The following PTPRD variants were observed in gnomAD, a reference collection of about 807,000 sequenced individuals.
PTPRD encodes the protein receptor-type tyrosine-protein phosphatase delta.
Under a neutral mutation model 214.5 loss-of-function variants are expected in PTPRD, and 34 were observed. That is an observed-to-expected ratio of 0.16 (90% CI 0.12 to 0.21). PTPRD has a LOEUF of 0.21. PTPRD is among the 10% of genes least tolerant of loss of function. PTPRD has a pLI of 1.00. For missense variants in PTPRD, 2,545 were observed against 2,398.7 expected, an observed-to-expected ratio of 1.06 and a Z score of -1.27; for synonymous variants, 1,128 against 845.7, an observed-to-expected ratio of 1.33 and a Z score of -5.79.
intron 5 of PTPRD, among the ~76,000 whole-genome samples, chr9:9,802,844 T>A (rs2099050156): frequency 6.6e-6 from 1 of 151,866 alleles, no homozygotes; most frequent in Non-Finnish European, 1.5e-5. Context: ...TTACAATTGT[T>A]TATTCATTCT....
intron 11 of PTPRD, among the ~76,000 whole-genome samples, chr9:8,827,372 C>A (rs914136451): frequency 6.6e-6 from 1 of 152,112 alleles, no homozygotes; most frequent in Non-Finnish European, 1.5e-5. Flanking sequence ...TTTGGGAGGC[C>A]AAGGTGGGTG....
At chr9:10,585,779 A>ATT (rs1227974368) in intron 2 of PTPRD, among the ~76,000 whole-genome samples, 1 of 151,880 alleles carries the variant, frequency 6.6e-6, no homozygotes, top group African/African-American at 2.4e-5. Context: ...GCCCTTATTA[A>ATT]ATACTGGAGA....
chr9:8,774,609 A>G (rs1565955735), intron 11 of PTPRD, among the ~76,000 whole-genome samples: 2 of 131,694 alleles, frequency 1.5e-5, no homozygotes, highest in Non-Finnish European at 3.1e-5. Context: ...ATCTCGGCCC[A>G]CTGCAACCTC....
chr9:9,947,292 T>A (rs1204710697), intron 4 of PTPRD, among the ~76,000 whole-genome samples: 1 of 105,826 alleles, frequency 9.4e-6, no homozygotes, highest in Non-Finnish European at 1.8e-5. Context: ...GCTCTGGAGA[T>A]TATATATATA....
At chr9:9,281,496 C>A (rs1013999190) in intron 9 of PTPRD, among the ~76,000 whole-genome samples, 2 of 151,266 alleles carry the variant, frequency 1.3e-5, no homozygotes, top group Non-Finnish European at 3.0e-5. Context: ...TATGAAAAAT[C>A]TTTTAACATC....
At chr9:8,482,106 A>G (rs931535602) in intron 30 of PTPRD, among the ~76,000 whole-genome samples, 2 of 152,138 alleles carry the variant, frequency 1.3e-5, no homozygotes, top group African/African-American at 4.8e-5. Flanking sequence ...AACTTCTCTA[A>G]GCCCACACTT....
At chr9:10,448,134 G>A (rs1047469302) in intron 2 of PTPRD, among the ~76,000 whole-genome samples, 13 of 152,006 alleles carry the variant, frequency 8.6e-5, no homozygotes, top group African/African-American at 3.1e-4. Context: ...ACAAATTCAA[G>A]TCTTTTCGAG....
chr9:8,843,525 A>G (rs767135955), intron 11 of PTPRD, among the ~76,000 whole-genome samples: 2 of 152,206 alleles, frequency 1.3e-5, no homozygotes, highest in Non-Finnish European at 2.9e-5. Context: ...TGCTGGTTCT[A>G]TATCATGGCC....
chr9:10,437,348 T>C (rs945686407), intron 2 of PTPRD, among the ~76,000 whole-genome samples: 1 of 151,884 alleles, frequency 6.6e-6, no homozygotes, highest in South Asian at 2.1e-4. Flanking sequence ...TGCAAATTGA[T>C]AGCTTTTTCC....
intron 36 of PTPRD, among the ~76,000 whole-genome samples, chr9:8,394,738 T>G (rs1016429642): frequency 6.6e-6 from 1 of 152,176 alleles, no homozygotes; most frequent in African/African-American, 2.4e-5. Flanking sequence ...TCTCTCAGAT[T>G]AGGTAGGAAC....
intron 10 of PTPRD, among the ~76,000 whole-genome samples, chr9:9,182,621 A>T (rs189624958): frequency 1.2e-3 from 182 of 152,130 alleles, no homozygotes; most frequent in African/African-American, 4.2e-3. Context: ...GCAATGGGTG[A>T]GGAAAAAATG....
intron 9 of PTPRD, among the ~76,000 whole-genome samples, chr9:9,203,560 T>C (rs1228729385): frequency 1.3e-5 from 2 of 152,164 alleles, no homozygotes; most frequent in African/African-American, 4.8e-5. Flanking sequence ...TCAGTCCCAC[T>C]GTTACAGTTC....
intron 10 of PTPRD, among the ~76,000 whole-genome samples, chr9:9,141,481 A>G (rs1190253438): frequency 6.6e-6 from 1 of 152,004 alleles, no homozygotes; most frequent in Non-Finnish European, 1.5e-5. Flanking sequence ...ACTGGAAGTA[A>G]TAAGCCACAA....
At chr9:9,372,240 G>T (rs2059716471) in intron 9 of PTPRD, among the ~76,000 whole-genome samples, 1 of 152,056 alleles carries the variant, frequency 6.6e-6, no homozygotes. Flanking sequence ...ATTATTGTGT[G>T]GGAGTCTAAG....
At chr9:9,421,056 G>C (rs997335000) in intron 8 of PTPRD, among the ~76,000 whole-genome samples, 25 of 151,702 alleles carry the variant, frequency 1.6e-4, no homozygotes, top group African/African-American at 6.0e-4. Context: ...CCATCTATCA[G>C]AAAACTGACA....
At chr9:8,940,064 T>TG (rs1164198746) in intron 11 of PTPRD, among the ~76,000 whole-genome samples, 2 of 8,218 alleles carry the variant, frequency 2.4e-4, no homozygotes, top group Non-Finnish European at 6.7e-4. Flanking sequence ...CAAATAAGTT[T>TG]GGAAAAAAAA....
At chr9:8,509,071 A>G (rs2097609524) in intron 21 of PTPRD, among the ~76,000 whole-genome samples, 1 of 152,084 alleles carries the variant, frequency 6.6e-6, no homozygotes, top group South Asian at 2.1e-4. Context: ...CTGGGAGCTT[A>G]CCTTCTGAAC....
chr9:9,786,629 G>A (rs1597782609), intron 5 of PTPRD, among the ~76,000 whole-genome samples: 1 of 152,070 alleles, frequency 6.6e-6, no homozygotes, highest in Non-Finnish European at 1.5e-5. Flanking sequence ...GGGTCAAATG[G>A]TATTTCTAGA....
chr9:8,547,504 G>T (rs1480007797), intron 14 of PTPRD, among the ~76,000 whole-genome samples: 1 of 151,970 alleles, frequency 6.6e-6, no homozygotes, highest in Non-Finnish European at 1.5e-5. Flanking sequence ...TTAGCCTGGT[G>T]TGGTGGCATG....
Sources: allele counts gnomAD v4.1 joint callset (sites outside exome capture counted in the v4.1 genomes callset), GRCh38; gene constraint gnomAD v4.1.1; transcripts MANE v1.5; gene names NCBI Gene and HGNC (gene_info 2026-07-23, HGNC 2026-07-21).